Variants in ASCC3 observed in about 807,000 individuals in gnomAD.
ASCC3 encodes the protein activating signal cointegrator 1 complex subunit 3.
Under a neutral mutation model 256.3 loss-of-function variants are expected in ASCC3, and 158 were observed. That is an observed-to-expected ratio of 0.62 (90% CI 0.54 to 0.70). ASCC3 has a LOEUF of 0.70. Among genes scored for constraint, ASCC3 ranks in the 30% least tolerant of loss-of-function variants. The pLI is 0.00. For synonymous variants in ASCC3, 948 were observed against 883.4 expected, an observed-to-expected ratio of 1.07 and a Z score of -1.30; for missense variants, 2,259 against 2,626.0, an observed-to-expected ratio of 0.86 and a Z score of 3.05.
chr6:100,665,009 A>G (rs1244324990), intron 14 of ASCC3, among the ~76,000 whole-genome samples: 1 of 152,164 alleles, frequency 6.6e-6, no homozygotes, highest in Non-Finnish European at 1.5e-5. Context: ...GTCAAACCCC[A>G]TTTGAGGGAA....
At chr6:100,575,368 C>T (rs1372929739) in intron 36 of ASCC3, among the ~76,000 whole-genome samples, 1 of 151,950 alleles carries the variant, frequency 6.6e-6, no homozygotes, top group Non-Finnish European at 1.5e-5. Flanking sequence ...ATTTTTCCTA[C>T]AAAACAATTT....
At chr6:100,737,138 C>T (rs1780210837) in intron 10 of ASCC3, among the ~76,000 whole-genome samples, 1 of 102,744 alleles carries the variant, frequency 9.7e-6, no homozygotes, top group Non-Finnish European at 2.0e-5. Context: ...CAGAGTGAGA[C>T]TCCGTCTATT....
intron 13 of ASCC3, among the ~76,000 whole-genome samples, chr6:100,708,321 C>T (rs1270024605): frequency 6.6e-6 from 1 of 152,060 alleles, no homozygotes; most frequent in African/African-American, 2.4e-5. Context: ...AAATGTAGGA[C>T]TTTACATTTA....
chr6:100,622,973 C>T (rs1422069353), intron 30 of ASCC3, among the ~76,000 whole-genome samples: 1 of 152,022 alleles, frequency 6.6e-6, no homozygotes, highest in Non-Finnish European at 1.5e-5. Context: ...GCAAACATCC[C>T]AAAGTGTGTT....
At chr6:100,731,738 T>C (rs1779912014) in intron 10 of ASCC3, among the ~76,000 whole-genome samples, 1 of 152,202 alleles carries the variant, frequency 6.6e-6, no homozygotes, top group African/African-American at 2.4e-5. Flanking sequence ...GTGTGCCCTT[T>C]GAAAGCAAAA....
At chr6:100,779,772 T>C (rs1288169704) in intron 8 of ASCC3, among the ~76,000 whole-genome samples, 1 of 152,176 alleles carries the variant, frequency 6.6e-6, no homozygotes, top group African/African-American at 2.4e-5. Context: ...GGCAAGTATC[T>C]TTATCTGACC....
rs371325173 is a variant in ASCC3 at position 100,606,801 on chromosome 6, A to T, written c.4983T>A (p.Ile1661=). 2.5e-6 allele frequency: 4 copies of T among 1,611,838 alleles called. No individual in the cohort carries two copies. The African/African-American group carries it at 5.3e-5, about 22-fold the overall frequency. Reference sequence around the variant, plus strand: ...CATCATAGTATTCTGTTCCCTTAATAATTACTAAATGAGCTGGAAAGTTTA... The same window carrying T: ...CATCATAGTATTCTGTTCCCTTAATTATTACTAAATGAGCTGGAAAGTTTA... The part of the protein sequence containing the change: ...WGVNFPAHLV[I]IKGTEYYDGK... The change falls in exon 32 of 42, where the codon ATT becomes ATA. Residue 1661 remains isoleucine (I), a synonymous_variant. Coordinates refer to ENST00000369162, the MANE Select transcript of ASCC3 (RefSeq NM_006828.4).
Position 100,577,760 on chromosome 6 carries a change from T to A in ASCC3, c.5550+11874A>T, listed in dbSNP as rs575690483. On this transcript the variant is annotated intron_variant, in intron 36 of 41. Transcript: ENST00000369162. The stretch of plus-strand genomic sequence containing the variant: ...CACCCACCCACACACACACACACAC[T>A]CTCTCACACATACACATAGGAAGTT... Among the ~76,000 whole-genome samples the A allele has an allele frequency of 2.1e-4, 31 of 149,452 alleles. 1 individual carries two copies. The highest frequency in any genetic ancestry group is 7.4e-4 in the Admixed American group (11 of 14,962).
intron 16 of ASCC3, among the ~76,000 whole-genome samples, chr6:100,659,677 T>C (rs1776092681): frequency 6.6e-6 from 1 of 151,510 alleles, no homozygotes; most frequent in African/African-American, 2.4e-5. Flanking sequence ...AAAGAGTTAC[T>C]TGAAGAAAAA....
chr6:100,594,031 A>G (rs1772144971), intron 34 of ASCC3, among the ~76,000 whole-genome samples: 1 of 152,128 alleles, frequency 6.6e-6, no homozygotes, highest in Non-Finnish European at 1.5e-5. Context: ...ACAGACACAC[A>G]CAAGAATATA....
intron 4 of ASCC3, among the ~76,000 whole-genome samples, chr6:100,827,567 C>T (rs941085032): frequency 3.3e-5 from 5 of 152,106 alleles, no homozygotes; most frequent in Admixed American, 1.3e-4. Context: ...ACAGTGTTTA[C>T]CCATTTACCT....
At chr6:100,537,660 A>G (rs1017593812) in intron 37 of ASCC3, among the ~76,000 whole-genome samples, 7 of 152,188 alleles carry the variant, frequency 4.6e-5, no homozygotes, top group African/African-American at 1.4e-4. Flanking sequence ...ATTTTAAGAA[A>G]ATTAAAAATT....
intron 3 of ASCC3, chr6:100,857,293 G>A (rs1562348425): frequency 6.6e-6 from 1 of 151,888 alleles, no homozygotes; most frequent in African/African-American, 2.4e-5. Flanking sequence ...ATTTAACCTG[G>A]ATAAAAGCTC....
intron 10 of ASCC3, among the ~76,000 whole-genome samples, chr6:100,754,914 GC>G (rs1781104714): frequency 6.6e-6 from 1 of 152,052 alleles, no homozygotes; most frequent in Non-Finnish European, 1.5e-5. Flanking sequence ...CTTGCCTGCT[GC>G]CATGTAAGAC....
chr6:100,527,390 G>A (rs2114634292), intron 37 of ASCC3, among the ~76,000 whole-genome samples: 1 of 152,254 alleles, frequency 6.6e-6, no homozygotes, highest in African/African-American at 2.4e-5. Context: ...TCTACCATTT[G>A]CTATATCAAA....
chr6:100,584,127 A>G lies in ASCC3; in HGVS notation c.5550+5507T>C, dbSNP rs558668760. Reference sequence around the variant, plus strand: ...TCTGCTTGGTGCAGAGCTGAGTTCAATTCCTGGGTATCCTTGTTGACTTTC... The same window carrying G: ...TCTGCTTGGTGCAGAGCTGAGTTCAGTTCCTGGGTATCCTTGTTGACTTTC... On this transcript the variant is annotated intron_variant, in intron 36 of 41. Coordinates refer to ENST00000369162, the MANE Select transcript of ASCC3 (RefSeq NM_006828.4). 3.3e-5 allele frequency among the ~76,000 whole-genome samples: 5 copies of G among 151,188 alleles called. No individual in the cohort carries two copies. In the South Asian group the frequency reaches 1.1e-3, roughly 32 times the overall value.
At chr6:100,635,022 T>TA (rs34302200) in intron 25 of ASCC3, among the ~76,000 whole-genome samples, 8,441 of 152,108 alleles carry the variant, frequency 0.055, 312 homozygotes, top group Middle Eastern at 0.14. Context: ...AAATTAAGCA[T>TA]AGAACTATCC....
chr6:100,607,118 A>T lies in ASCC3; in HGVS notation c.4786-30T>A, dbSNP rs552037930. ...AAGTAAAAACAAAATTACAAGATGT[A>T]GATGCATAACTTTAAAATTTTCATT... On this transcript the variant is annotated intron_variant, in intron 30 of 41. Coordinates refer to ENST00000369162, the MANE Select transcript of ASCC3 (RefSeq NM_006828.4). The T allele has an allele frequency of 7.5e-6, 12 of 1,608,100 alleles. No homozygotes were observed. In the East Asian group the frequency reaches 2.7e-4, roughly 36 times the overall value.
At chr6:100,721,490 A>C (rs573314706) in intron 11 of ASCC3, among the ~76,000 whole-genome samples, 1 of 151,754 alleles carries the variant, frequency 6.6e-6, no homozygotes, top group Non-Finnish European at 1.5e-5. Flanking sequence ...TGTGGGCCAG[A>C]GCACATGCCT....
Sources: gnomAD v4.1 joint callset for allele counts (sites outside exome capture counted in the v4.1 genomes callset) on GRCh38, gnomAD v4.1.1 for gene constraint, MANE v1.5 for transcripts, NCBI Gene and HGNC (gene_info 2026-07-23, HGNC 2026-07-21) for gene names.